The following PRKAG2 variants were observed in gnomAD, a reference collection of about 807,000 sequenced individuals.
PRKAG2 encodes the protein 5'-AMP-activated protein kinase subunit gamma-2.
Under a neutral mutation model 69.6 loss-of-function variants are expected in PRKAG2, and 26 were observed. That is an observed-to-expected ratio of 0.37 (90% confidence interval 0.27 to 0.52). PRKAG2 has a LOEUF of 0.52. Ranked by LOEUF, PRKAG2 falls within the 20% of genes least tolerant of loss-of-function variation. PRKAG2 has a pLI of 0.90. For missense variants in PRKAG2, 557 were observed against 740.0 expected (o/e 0.75, Z 2.87); for synonymous variants, 293 against 285.0 (o/e 1.03, Z -0.28).
intron 8 of PRKAG2, among the ~76,000 whole-genome samples, chr7:151,573,176 GA>G (rs1808048277): frequency 8.9e-6 from 1 of 112,162 alleles, no homozygotes; most frequent in African/African-American, 3.4e-5. Flanking sequence ...TTTTTTTTTT[GA>G]GACAAGGTCT....
At chr7:151,802,187 G>A (rs112562984) in intron 1 of PRKAG2, among the ~76,000 whole-genome samples, 19 of 152,324 alleles carry the variant, frequency 1.2e-4, no homozygotes, top group African/African-American at 4.1e-4. Context: ...CCAGAGGACC[G>A]TCCCCTTTGT....
intron 4 of PRKAG2, among the ~76,000 whole-genome samples, chr7:151,643,316 G>T (rs1827058567): frequency 6.6e-6 from 1 of 152,180 alleles, no homozygotes; most frequent in Non-Finnish European, 1.5e-5. Context: ...GAAATATGTT[G>T]TATTTATATT....
At chr7:151,818,112 G>C (rs1435375884) in intron 1 of PRKAG2, among the ~76,000 whole-genome samples, 2 of 152,192 alleles carry the variant, frequency 1.3e-5, no homozygotes, top group African/African-American at 4.8e-5. Flanking sequence ...TGTCAAGTAT[G>C]TTCTGATAGA....
At chr7:151,564,900 C>T (rs1584938631) in intron 13 of PRKAG2, among the ~76,000 whole-genome samples, 2 of 151,994 alleles carry the variant, frequency 1.3e-5, no homozygotes, top group South Asian at 4.2e-4. Flanking sequence ...CAAAAAATGG[C>T]GTGCACATTT....
intron 3 of PRKAG2, among the ~76,000 whole-genome samples, chr7:151,709,291 A>C (rs1353126366): frequency 9.3e-6 from 1 of 107,340 alleles, no homozygotes; most frequent in Admixed American, 9.9e-5. Context: ...GATGTATGGT[A>C]CTGTATGACA....
intron 4 of PRKAG2, among the ~76,000 whole-genome samples, chr7:151,650,889 C>T (rs1482409987): frequency 6.6e-6 from 1 of 152,082 alleles, no homozygotes; most frequent in Non-Finnish European, 1.5e-5. Context: ...ATAACTTTTC[C>T]GTTGCAAATT....
chr7:151,628,219 C>T (rs1823501815), intron 5 of PRKAG2, among the ~76,000 whole-genome samples: 1 of 152,170 alleles, frequency 6.6e-6, no homozygotes, highest in Admixed American at 6.5e-5. Flanking sequence ...CAGAGTAGAG[C>T]AGGTTTATTA....
chr7:151,860,002 G>A (rs1356053253), intron 1 of PRKAG2, among the ~76,000 whole-genome samples: 2 of 152,168 alleles, frequency 1.3e-5, no homozygotes, highest in Admixed American at 6.5e-5. Flanking sequence ...CCACCTGCAG[G>A]TGGGACTGTG....
intron 3 of PRKAG2, among the ~76,000 whole-genome samples, chr7:151,754,831 C>T (rs1160763720): frequency 6.6e-6 from 1 of 152,052 alleles, no homozygotes; most frequent in Non-Finnish European, 1.5e-5. Context: ...CTTCGCGGTC[C>T]CCTCAGTTCC....
At chr7:151,735,802 G>A (rs1041443155) in intron 3 of PRKAG2, 17 of 1,448,676 alleles carry the variant, frequency 1.2e-5, no homozygotes, top group Non-Finnish European at 1.4e-5. Context: ...GAAGAGAGTG[G>A]CTGGAAACAG....
rs1034675057 is a variant in PRKAG2 at position 151,632,213 on chromosome 7, C to T, written c.685-75G>A. 8.7e-7 allele frequency: 1 copy of T among 1,143,836 alleles called. No homozygotes were observed. Among genetic ancestry groups the T allele is most frequent in the African/African-American group, 1.6e-5 (1 of 61,000 alleles). 70.9% of individuals were successfully genotyped at this position (1,143,836 alleles called of 1,614,324 possible). ...CCCGGCCGGCGGGCTCGCGGCCGGC[C>T]GAGCGCTGGGGCCTGGCTCTGCCGC... is the stretch of plus-strand genomic sequence containing the variant. On this transcript the variant is annotated intron_variant, in intron 4 of 15. Transcript: ENST00000287878. The surrounding 1 kb of genome is among the most constrained non-coding windows in gnomAD (Gnocchi z 4.2).
At chr7:151,656,913 G>T (rs532074497) in intron 4 of PRKAG2, among the ~76,000 whole-genome samples, 2 of 151,996 alleles carry the variant, frequency 1.3e-5, no homozygotes, top group Non-Finnish European at 2.9e-5. Context: ...GAAGCAGGTG[G>T]ATCACTTGAG....
At position 151,777,904 on chromosome 7, in the gene PRKAG2, T is replaced by C. The variant is rs571620448; in HGVS notation, c.466+3248A>G. 6.6e-6 allele frequency among the ~76,000 whole-genome samples: 1 copy of C among 152,328 alleles called. No homozygotes were observed. Among genetic ancestry groups the C allele is most frequent in the African/African-American group, 2.4e-5 (1 of 41,568 alleles). On this transcript the variant is annotated intron_variant, in intron 3 of 15. Coordinates refer to ENST00000287878, the MANE Select transcript of PRKAG2 (RefSeq NM_016203.4). This position sits in a 1 kb window ranked among gnomAD's most constrained non-coding sequence, Gnocchi z 4.3. ...ACCGGGCTAACATGCAGGTGTAGTT[T>C]CTATGATCTCGTACTGCTCTGGGGT...
At chr7:151,641,486 G>T (rs753018307) in intron 4 of PRKAG2, among the ~76,000 whole-genome samples, 2 of 152,022 alleles carry the variant, frequency 1.3e-5, no homozygotes, top group Non-Finnish European at 2.9e-5. Context: ...GACCTCAAGT[G>T]ATCCACCCAC....
At position 151,827,745 on chromosome 7, in the gene PRKAG2, T is replaced by TAAAAAAAAAAAA. The variant is rs55685618; in HGVS notation, c.115-41216_115-41205dup. Among the ~76,000 whole-genome samples, 78 of 52,256 alleles carry TAAAAAAAAAAAA rather than the reference T, an allele frequency of 1.5e-3. 9 individuals carry two copies. Among genetic ancestry groups the TAAAAAAAAAAAA allele is most frequent in the South Asian group, 0.011 (10 of 894 alleles). 34.3% of individuals were successfully genotyped at this position (52,256 alleles called of 152,430 possible). ...AGGAATTTCTTGAGGTGGCCTTAGG[T>TAAAAAAAAAAAA]AAAAAAAAAAAAAAAAAAAAAAAAA... On this transcript the variant is annotated intron_variant, in intron 1 of 15. Coordinates refer to ENST00000287878, the MANE Select transcript of PRKAG2 (RefSeq NM_016203.4).
Position 151,847,994 on chromosome 7 carries a change from G to C in PRKAG2, c.114+28513C>G, listed in dbSNP as rs1014529451. ...TATGAATCAGAGCTGCTTTTCTAAA[G>C]AGTCAGTTGCTAAAGAGTGCCCGTG... On this transcript the variant is annotated intron_variant, in intron 1 of 15. Transcript: ENST00000287878. Among the ~76,000 whole-genome samples, 4 of 152,220 alleles carry C rather than the reference G, an allele frequency of 2.6e-5. No homozygotes were observed. In the South Asian group the frequency reaches 8.3e-4, roughly 32 times the overall value.
intron 3 of PRKAG2, among the ~76,000 whole-genome samples, chr7:151,744,794 G>A (rs987808353): frequency 6.6e-6 from 1 of 152,088 alleles, no homozygotes; most frequent in East Asian, 1.9e-4. Context: ...GAATCAGCCC[G>A]GCCGACCGAG....
chr7:151,601,326 G>A (rs1315303886), intron 5 of PRKAG2, among the ~76,000 whole-genome samples: 1 of 152,122 alleles, frequency 6.6e-6, no homozygotes, highest in East Asian at 1.9e-4. Context: ...CTTCTATCTC[G>A]TTAACAGTGA....
rs912360758 is a variant in PRKAG2, at chr7:151,710,798, G to A, written c.467-35161C>T. 1.5e-4 allele frequency among the ~76,000 whole-genome samples: 23 copies of A among 152,180 alleles called. 1 individual carries two copies. Among genetic ancestry groups the A allele is most frequent in the African/African-American group, 2.4e-4 (10 of 41,428 alleles). ...GCCCCTACAAGCAAATAGGCTCCAC[G>A]AAGCCAGGGACTTTGTTCTCTGTAC... On this transcript the variant is annotated intron_variant, in intron 3 of 15. Coordinates refer to ENST00000287878, the MANE Select transcript of PRKAG2 (RefSeq NM_016203.4).
Sources: allele counts gnomAD v4.1 joint callset (sites outside exome capture counted in the v4.1 genomes callset), GRCh38; gene constraint gnomAD v4.1.1; non-coding constraint Gnocchi (gnomAD v3.1); transcripts MANE v1.5; gene names NCBI Gene and HGNC (gene_info 2026-07-23, HGNC 2026-07-21).